SNTG1: variants seen among roughly 807,000 people sequenced by gnomAD.
SNTG1 encodes gamma-1-syntrophin.
SNTG1 carries 39 observed loss-of-function variants against 74.7 expected under a neutral mutation model. The observed-to-expected ratio is 0.52, with a 90% CI of 0.40 to 0.68. SNTG1 has a LOEUF of 0.68. Ranked by LOEUF, SNTG1 falls within the 30% of genes least tolerant of loss-of-function variation. The pLI is 0.00. For synonymous variants in SNTG1, 254 were observed against 217.1 expected (o/e 1.17, Z -1.49); for missense variants, 685 against 609.5 (o/e 1.12, Z -1.30).
intron 8 of SNTG1, among the ~76,000 whole-genome samples, chr8:50,479,935 T>C (rs1459230966): frequency 6.6e-6 from 1 of 152,168 alleles, no homozygotes; most frequent in Non-Finnish European, 1.5e-5. Context: ...TTGAAGAGGT[T>C]CAGTAAATGT....
At position 50,475,066 on chromosome 8, in the gene SNTG1, G is replaced by T. The variant is rs1416577628; in HGVS notation, c.363+24337G>T. Among the ~76,000 whole-genome samples the T allele has an allele frequency of 3.1e-5, 4 of 129,006 alleles. No homozygotes were observed. The East Asian group carries it at 1.1e-3, about 37-fold the overall frequency. The allele number at this position is 129,006 out of a possible 152,430, so 84.6% of individuals were successfully genotyped here. On this transcript the variant is annotated intron_variant, in intron 8 of 18. Transcript: ENST00000642720. ...CACAGGAAGGGGAACATCACACACT[G>T]GGGACTGTTGTGGGGTGGGGGGAGG...
At chr8:50,784,361 T>C (rs2095668608) in intron 18 of SNTG1, among the ~76,000 whole-genome samples, 1 of 152,128 alleles carries the variant, frequency 6.6e-6, no homozygotes, top group African/African-American at 2.4e-5. Context: ...ATATATCTTG[T>C]ATATAATAAT....
At chr8:50,614,700 G>T (rs1251070926) in intron 13 of SNTG1, among the ~76,000 whole-genome samples, 13 of 152,050 alleles carry the variant, frequency 8.5e-5, no homozygotes, top group African/African-American at 2.7e-4. Context: ...TAAAATGGAT[G>T]TGCTTTATAT....
Position 50,317,230 on chromosome 8 carries a change from T to G in SNTG1, c.-27-76982T>G, listed in dbSNP as rs117380102. On this transcript the variant is annotated intron_variant, in intron 2 of 18. Coordinates refer to ENST00000642720, the MANE Select transcript of SNTG1 (RefSeq NM_018967.5). ...GGTCTCTACTAGTATTAGCAAAAAC[T>G]TGTATCCTTTGCAAGCTGGCATGTA... Among the ~76,000 whole-genome samples the G allele has an allele frequency of 3.7e-4, 56 of 152,290 alleles. No homozygotes were observed. The East Asian group carries it at 9.5e-3, about 26-fold the overall frequency.
chr8:50,706,757 A>C (rs552734359), intron 16 of SNTG1, among the ~76,000 whole-genome samples: 2 of 152,156 alleles, frequency 1.3e-5, no homozygotes, highest in African/African-American at 4.8e-5. Flanking sequence ...ATTACTTTCA[A>C]ATTTAAAGTA....
intron 13 of SNTG1, among the ~76,000 whole-genome samples, chr8:50,615,950 T>G (rs887359278): frequency 2.6e-5 from 4 of 152,220 alleles, no homozygotes; most frequent in African/African-American, 9.6e-5. Context: ...ATTGAGCAAG[T>G]GTGAAACCTG....
intron 1 of SNTG1, among the ~76,000 whole-genome samples, chr8:50,148,369 G>A (rs1289490083): frequency 6.6e-6 from 1 of 152,016 alleles, no homozygotes; most frequent in African/African-American, 2.4e-5. Flanking sequence ...AAAGAATAAA[G>A]TACATAAAGT....
intron 2 of SNTG1, among the ~76,000 whole-genome samples, chr8:50,198,572 A>G (rs2131827883): frequency 6.6e-6 from 1 of 152,276 alleles, no homozygotes; most frequent in Non-Finnish European, 1.5e-5. Flanking sequence ...ACACTCAGGA[A>G]GTTCATAATA....
At chr8:50,336,793 T>A (rs914099575) in intron 2 of SNTG1, among the ~76,000 whole-genome samples, 1 of 152,026 alleles carries the variant, frequency 6.6e-6, no homozygotes, top group African/African-American at 2.4e-5. Context: ...TAGGCATGAG[T>A]TTTCCAAAAT....
intron 15 of SNTG1, among the ~76,000 whole-genome samples, chr8:50,674,386 T>A (rs2095300099): frequency 6.6e-6 from 1 of 152,162 alleles, no homozygotes; most frequent in African/African-American, 2.4e-5. Context: ...ATTAGACTTT[T>A]CCTGATTTAG....
intron 18 of SNTG1, among the ~76,000 whole-genome samples, chr8:50,783,304 A>C (rs1046262540): frequency 1.3e-5 from 2 of 152,214 alleles, no homozygotes; most frequent in African/African-American, 4.8e-5. Context: ...CCAGAGGTGG[A>C]GCCTATAGAG....
At chr8:50,302,577 T>A (rs1285549096) in intron 2 of SNTG1, among the ~76,000 whole-genome samples, 1 of 152,116 alleles carries the variant, frequency 6.6e-6, no homozygotes, top group Non-Finnish European at 1.5e-5. Flanking sequence ...ATAAATGACT[T>A]TTAGTTTATT....
intron 2 of SNTG1, among the ~76,000 whole-genome samples, chr8:50,334,794 A>T (rs2091087021): frequency 6.6e-6 from 1 of 152,118 alleles, no homozygotes; most frequent in South Asian, 2.1e-4. Context: ...ACTGAACAAT[A>T]TTTCTCCAAG....
intron 8 of SNTG1, among the ~76,000 whole-genome samples, chr8:50,453,464 G>A (rs2093474598): frequency 1.3e-5 from 2 of 152,182 alleles, no homozygotes; most frequent in Admixed American, 1.3e-4. Flanking sequence ...ACTAGAACCA[G>A]TGCCCAGCAC....
intron 12 of SNTG1, among the ~76,000 whole-genome samples, chr8:50,587,689 G>C (rs911399896): frequency 2.0e-5 from 3 of 151,900 alleles, no homozygotes; most frequent in Admixed American, 2.0e-4. Context: ...GCTGGGTGTG[G>C]TGGTGCACGC....
At chr8:50,616,733 G>C (rs2094887751) in intron 13 of SNTG1, among the ~76,000 whole-genome samples, 1 of 152,186 alleles carries the variant, frequency 6.6e-6, no homozygotes, top group Non-Finnish European at 1.5e-5. Flanking sequence ...TTAGATAATT[G>C]TGCCTTTCTG....
At chr8:50,622,210 G>C (rs979979717) in intron 13 of SNTG1, among the ~76,000 whole-genome samples, 3 of 152,186 alleles carry the variant, frequency 2.0e-5, no homozygotes, top group African/African-American at 7.2e-5. Flanking sequence ...AAGAAAGTTT[G>C]TCAATGTGGT....
At chr8:50,162,913 T>C (rs1208647576) in intron 1 of SNTG1, among the ~76,000 whole-genome samples, 3 of 152,158 alleles carry the variant, frequency 2.0e-5, no homozygotes, top group East Asian at 3.9e-4. Context: ...TCGCATATTC[T>C]ATAGCAAGGC....
rs372929242 is a variant in SNTG1, at chr8:50,704,803, A to T, written c.1191+51A>T. ...GTGTGGCTCCCTCAGATGCATGACC[A>T]CTTCCCTAGAGTTCTAATATCATTC... is the stretch of plus-strand genomic sequence containing the variant. On this transcript the variant is annotated intron_variant, in intron 16 of 18. Coordinates refer to ENST00000642720, the MANE Select transcript of SNTG1 (RefSeq NM_018967.5). 5.2e-4 allele frequency: 835 copies of T among 1,591,916 alleles called. 8 individuals carry two copies. The South Asian group carries it at 8.8e-3, about 17-fold the overall frequency.
Sources: allele counts gnomAD v4.1 joint callset (sites outside exome capture counted in the v4.1 genomes callset), GRCh38; gene constraint gnomAD v4.1.1; transcripts MANE v1.5; gene names NCBI Gene and HGNC (gene_info 2026-07-23, HGNC 2026-07-21).